Variants in NUP107 observed in about 807,000 individuals in gnomAD.
NUP107 encodes the protein nuclear pore complex protein Nup107.
A neutral mutation model predicts 141.0 loss-of-function variants in NUP107; 101 were observed. The ratio of observed to expected loss-of-function variants is 0.72; its 90% CI spans 0.61 to 0.84. The LOEUF (loss-of-function observed/expected upper bound fraction) is 0.84, where lower values mean the gene tolerates loss of function less well. NUP107 is among the 40% of genes least tolerant of loss of function. The pLI is 0.00. For missense variants in NUP107, 941 were observed against 1,102.7 expected, an observed-to-expected ratio of 0.85 and a Z score of 2.08; for synonymous variants, 319 against 363.9, an observed-to-expected ratio of 0.88 and a Z score of 1.41.
chr12:68,689,178 C>A, intron 2 of NUP107, 125 bp downstream of exon 2: 1 of 627,296 alleles, frequency 1.6e-6, no homozygotes, highest in African/African-American at 1.9e-5. Context: ...AACTTTTTTT[C>A]ACTCCACAGA....
chr12:68,729,023 T>C (rs1184399898), intron 20 of NUP107, among the ~76,000 whole-genome samples: 2 of 151,994 alleles, frequency 1.3e-5, no homozygotes, highest in South Asian at 2.1e-4. Context: ...GCTCCTGTGG[T>C]GTTATTAAGG....
chr12:68,704,546 C>T (rs1355651280), intron 8 of NUP107, among the ~76,000 whole-genome samples: 4 of 151,454 alleles, frequency 2.6e-5, no homozygotes, highest in South Asian at 2.1e-4. Flanking sequence ...CTCCACCTCC[C>T]GGGTTCAAGC....
intron 26 of NUP107, among the ~76,000 whole-genome samples, chr12:68,735,621 C>G (rs2136049321): frequency 6.6e-6 from 1 of 152,242 alleles, no homozygotes; most frequent in East Asian, 1.9e-4. Flanking sequence ...ACATGTATGT[C>G]ACTCCATTTA....
intron 8 of NUP107, among the ~76,000 whole-genome samples, chr12:68,708,628 T>A (rs1876705257): frequency 6.6e-6 from 1 of 152,258 alleles, no homozygotes; most frequent in African/African-American, 2.4e-5. Flanking sequence ...AGTTTTTTTT[T>A]TTTTATTTTG....
In NUP107 at chr12:68,721,948, T is replaced by A. The variant is rs1266801178; in HGVS notation, c.1419T>A (p.Asp473Glu). 6.2e-7 allele frequency: 1 copy of A among 1,614,080 alleles called. No individual in the cohort carries two copies. ...QEIQTSVATL[D>E]ETEELPREYL... Reference sequence around the variant, plus strand: ...TCCAGACATCAGTAGCAACTCTGGATGAAACTGAAGAACTCCCTAGAGAAT... The same window carrying A: ...TCCAGACATCAGTAGCAACTCTGGAAGAAACTGAAGAACTCCCTAGAGAAT... Residue 473 changes from aspartate to glutamate, a missense_variant, in exon 16 of 28, where the codon GAT becomes GAA. By Grantham distance (45) the Asp-to-Glu change is conservative. Transcript: ENST00000229179.
At position 68,731,101 on chromosome 12, in the gene NUP107, A is replaced by AT; in HGVS notation, c.1735-3dup. 1 of 1,544,646 alleles carries AT rather than the reference A, an allele frequency of 6.5e-7. No individual in the cohort carries two copies. Among genetic ancestry groups the AT allele is most frequent in the East Asian group, 2.3e-5 (1 of 44,106 alleles). On this transcript the variant is annotated splice_polypyrimidine_tract_variant and intron_variant, in intron 20 of 27. Coordinates refer to ENST00000229179, the MANE Select transcript of NUP107 (RefSeq NM_020401.4). The stretch of plus-strand genomic sequence containing the variant: ...TATTGACATACTTTGATCTTTTTCT[A>AT]TTTTTTAGCTTTTAATAAGAGAGAA...
intron 8 of NUP107, chr12:68,706,496 T>C (rs750705277): frequency 1.7e-4 from 116 of 692,224 alleles, no homozygotes; most frequent in Admixed American, 7.7e-4. Context: ...TATGAGGAGC[T>C]GCAGACGCTG....
intron 26 of NUP107, among the ~76,000 whole-genome samples, chr12:68,739,354 C>G (rs1300428465): frequency 6.6e-6 from 1 of 152,152 alleles, no homozygotes; most frequent in East Asian, 1.9e-4. Flanking sequence ...ACCTTGTTTT[C>G]TTTATTTCTT....
At chr12:68,719,138 C>T (rs552983676) in intron 12 of NUP107, among the ~76,000 whole-genome samples, 82 of 152,342 alleles carry the variant, frequency 5.4e-4, no homozygotes, top group Non-Finnish European at 9.7e-4. Flanking sequence ...ATGCACTTGC[C>T]TTGGCCTCCC....
intron 10 of NUP107, among the ~76,000 whole-genome samples, chr12:68,713,375 CA>C (rs139024005): frequency 0.38 from 32,863 of 87,300 alleles, 3,277 homozygotes; most frequent in Middle Eastern, 0.44. Flanking sequence ...ACCCTGTCTC[CA>C]AAAAAAAAAA....
At position 68,692,093 on chromosome 12, in the gene NUP107, GGATGAT is replaced by G. The variant is rs1875824841; in HGVS notation, c.430_435del (p.Asp144_Asp145del). Reference sequence around the variant, plus strand: ...CTATCAGTGCTGTTATGTTACGTGAGGATGATCCTGGAGAAGCTGGTAAAATGGCAT... The same window carrying G: ...CTATCAGTGCTGTTATGTTACGTGAGCCTGGAGAAGCTGGTAAAATGGCAT... On this transcript the variant is annotated inframe_deletion, in exon 5 of 28. Transcript: ENST00000229179. 1.3e-6 allele frequency: 2 copies of G among 1,597,406 alleles called. No individual in the cohort carries two copies. The highest frequency in any genetic ancestry group is 1.7e-6 in the Non-Finnish European group (2 of 1,175,262).
chr12:68,700,956 G>A, intron 7 of NUP107, 103 bp downstream of exon 7: 4 of 1,183,580 alleles, frequency 3.4e-6, no homozygotes, highest in Non-Finnish European at 4.6e-6. Flanking sequence ...AATAGGTTTT[G>A]CTATTTTTGA....
intron 8 of NUP107, among the ~76,000 whole-genome samples, chr12:68,708,134 T>C (rs1408414559): frequency 6.6e-6 from 1 of 152,104 alleles, no homozygotes; most frequent in African/African-American, 2.4e-5. Flanking sequence ...TACAACATTT[T>C]ATATAAGGGC....
chr12:68,709,398 C>T, intron 9 of NUP107, 89 bp downstream of exon 9: 1 of 700,682 alleles, frequency 1.4e-6, no homozygotes, highest in South Asian at 2.1e-5. Flanking sequence ...TAACTTAAAA[C>T]TGTTTTCTGA....
At position 68,689,465 on chromosome 12, in the gene NUP107, A is replaced by G. The variant is rs141918234; in HGVS notation, c.101-68A>G. The G allele has an allele frequency of 1.1e-4, 100 of 908,972 alleles. No individual in the cohort carries two copies. In the African/African-American group the frequency reaches 1.4e-3, roughly 12 times the overall value. 56.3% of individuals were successfully genotyped at this position (908,972 alleles called of 1,614,324 possible). A position where few individuals can be genotyped will look rare whatever the true frequency, so the allele number is the denominator to read the frequency against. On this transcript the variant is annotated intron_variant, in intron 2 of 27. Coordinates refer to ENST00000229179, the MANE Select transcript of NUP107 (RefSeq NM_020401.4). ...GTATTCACATAATTTGTATAGTAAA[A>G]AGATGGTTAATTCTCATTTTAGTGA...
chr12:68,728,734 T>A (rs1473140024), intron 20 of NUP107, among the ~76,000 whole-genome samples: 2 of 150,700 alleles, frequency 1.3e-5, no homozygotes, highest in Non-Finnish European at 3.0e-5. Flanking sequence ...TTTTTTTTTT[T>A]AAGTTTAAAA....
intron 8 of NUP107, among the ~76,000 whole-genome samples, chr12:68,708,851 TCA>T (rs1876715925): frequency 6.6e-6 from 1 of 152,172 alleles, no homozygotes; most frequent in Non-Finnish European, 1.5e-5. Context: ...ACTCCTGACC[TCA>T]AGTGATCTGC....
At chr12:68,727,321 TTTATAA>T (rs767343161) in intron 19 of NUP107, 24 bp from the exon 20 acceptor site, 8 of 1,197,740 alleles carry the variant, frequency 6.7e-6, no homozygotes, top group Admixed American at 2.0e-5. Flanking sequence ...AAGCAGTGTA[TTTATAA>T]TTATGTCTTT....
intron 26 of NUP107, among the ~76,000 whole-genome samples, chr12:68,735,755 G>A (rs541249182): frequency 9.5e-4 from 144 of 152,282 alleles, no homozygotes; most frequent in African/African-American, 3.3e-3. Context: ...TCCACTCCCA[G>A]AGATTATGGT....
Sources: allele counts gnomAD v4.1 joint callset (sites outside exome capture counted in the v4.1 genomes callset), GRCh38; gene constraint gnomAD v4.1.1; transcripts MANE v1.5; gene names NCBI Gene and HGNC (gene_info 2026-07-23, HGNC 2026-07-21).